The following TMEM132B variants were observed in gnomAD, a reference collection of about 807,000 sequenced individuals.
TMEM132B encodes the protein transmembrane protein 132B.
In TMEM132B, 18 loss-of-function variants were observed where a neutral mutation model predicts 90.8. That is an observed-to-expected ratio of 0.20 (90% CI 0.14 to 0.29). The LOEUF is 0.29. Among genes scored for constraint, TMEM132B ranks in the 10% least tolerant of loss-of-function variants. The probability of loss-of-function intolerance (pLI) is 1.00; values close to 1 mark genes in which losing one functional copy is unlikely to be tolerated. For synonymous variants in TMEM132B, 504 were observed against 523.3 expected (o/e 0.96, Z 0.50); for missense variants, 1,096 against 1,326.8 (o/e 0.83, Z 2.70).
chr12:125,343,653 G>A (rs1318264071), intron 1 of TMEM132B, among the ~76,000 whole-genome samples: 1 of 152,148 alleles, frequency 6.6e-6, no homozygotes, highest in African/African-American at 2.4e-5. Context: ...TTTTGAAAAC[G>A]GTCTAACAGA....
At chr12:125,580,751 A>G (rs1427233351) in intron 4 of TMEM132B, among the ~76,000 whole-genome samples, 2 of 152,198 alleles carry the variant, frequency 1.3e-5, no homozygotes, top group African/African-American at 4.8e-5. Flanking sequence ...TGATGTTTTG[A>G]CTGCCATTTT....
At chr12:125,385,106 A>G (rs902053834) in intron 2 of TMEM132B, among the ~76,000 whole-genome samples, 1 of 152,232 alleles carries the variant, frequency 6.6e-6, no homozygotes, top group Non-Finnish European at 1.5e-5. Context: ...CATGTGCCTG[A>G]CTTATTTTAC....
At chr12:125,504,244 A>G (rs1049564879) in intron 3 of TMEM132B, among the ~76,000 whole-genome samples, 5 of 149,210 alleles carry the variant, frequency 3.4e-5, no homozygotes, top group African/African-American at 9.7e-5. Context: ...GTTGACCCAG[A>G]TGGCCTTCAG....
chr12:125,554,547 A>G (rs561478634), intron 4 of TMEM132B, among the ~76,000 whole-genome samples: 3 of 150,050 alleles, frequency 2.0e-5, no homozygotes, highest in South Asian at 4.2e-4. Flanking sequence ...GTGGATCGTC[A>G]TGCTCTTTTA....
rs1157480306 is a variant in TMEM132B, at chr12:125,490,185, G to A, written c.1107-29254G>A. On this transcript the variant is annotated intron_variant, in intron 3 of 8. Transcript: ENST00000682704. The surrounding 1 kb of genome is among the most constrained non-coding windows in gnomAD (Gnocchi z 4.2). ...TAAGTTGAATTCTTACTGTGTGCCA[G>A]GTACTGTGTTGAATACTTTACATAT... 6.6e-6 allele frequency among the ~76,000 whole-genome samples: 1 copy of A among 152,128 alleles called. No individual in the cohort carries two copies. Among genetic ancestry groups the A allele is most frequent in the African/African-American group, 2.4e-5 (1 of 41,418 alleles).
chr12:125,334,949 C>T (rs115404455), intron 1 of TMEM132B, among the ~76,000 whole-genome samples: 2,752 of 152,310 alleles, frequency 0.018, 89 homozygotes, highest in African/African-American at 0.063. Context: ...GCACAGTTTG[C>T]GTGACATAAA....
At chr12:125,557,099 C>T (rs1308994965) in intron 4 of TMEM132B, among the ~76,000 whole-genome samples, 1 of 152,194 alleles carries the variant, frequency 6.6e-6, no homozygotes, top group Non-Finnish European at 1.5e-5. Flanking sequence ...TTATCATATA[C>T]ACACTTACTC....
chr12:125,389,013 T>TACACACACACACACAC (rs71447042), intron 2 of TMEM132B, among the ~76,000 whole-genome samples: 1 of 140,096 alleles, frequency 7.1e-6, no homozygotes. Flanking sequence ...ATATTTTCTG[T>TACACACACACACACAC]ACACACACAC....
chr12:125,593,171 TC>T (rs1885359820), intron 5 of TMEM132B, among the ~76,000 whole-genome samples: 1 of 152,236 alleles, frequency 6.6e-6, no homozygotes, highest in South Asian at 2.1e-4. Context: ...CCTAATTTTG[TC>T]CTTCTTTATG....
At position 125,454,542 on chromosome 12, in the gene TMEM132B, A is replaced by G. The variant is rs191787511; in HGVS notation, c.1106+38865A>G. ...CTCTTCAGTAATTTAAGGTCTTCAT[A>G]TAGGCATTTGCAAAGACAGAGCTGT... On this transcript the variant is annotated intron_variant, in intron 3 of 8. Transcript: ENST00000682704. Among the ~76,000 whole-genome samples the G allele has an allele frequency of 2.6e-5, 4 of 152,350 alleles. No individual in the cohort carries two copies. The East Asian group carries it at 5.8e-4, about 22-fold the overall frequency.
intron 3 of TMEM132B, among the ~76,000 whole-genome samples, chr12:125,435,471 C>G (rs1880673160): frequency 6.6e-6 from 1 of 152,108 alleles, no homozygotes; most frequent in African/African-American, 2.4e-5. Flanking sequence ...CCCTGGTCGC[C>G]AAGCAAGGAC....
At chr12:125,371,529 C>T (rs1224043909) in intron 2 of TMEM132B, among the ~76,000 whole-genome samples, 1 of 152,176 alleles carries the variant, frequency 6.6e-6, no homozygotes. Flanking sequence ...GAAAACTCTC[C>T]TCTGTGTACC....
chr12:125,412,679 T>C (rs964263499), intron 2 of TMEM132B, among the ~76,000 whole-genome samples: 2 of 152,146 alleles, frequency 1.3e-5, no homozygotes, highest in African/African-American at 2.4e-5. Flanking sequence ...AAAGCTATTA[T>C]GGTAGCAAGT....
intron 1 of TMEM132B, among the ~76,000 whole-genome samples, chr12:125,271,589 C>T (rs1294705060): frequency 2.6e-5 from 4 of 152,264 alleles, no homozygotes; most frequent in Non-Finnish European, 4.4e-5. Flanking sequence ...GAGCTATGCT[C>T]ACCTCTGGTG....
intron 4 of TMEM132B, among the ~76,000 whole-genome samples, chr12:125,527,467 T>TCCATCCAC (rs1309870226): frequency 7.4e-6 from 1 of 135,870 alleles, no homozygotes; most frequent in African/African-American, 2.8e-5. Context: ...CATCCACCCT[T>TCCATCCAC]CCATCCACCC....
At chr12:125,588,135 G>A (rs867639016) in intron 5 of TMEM132B, 10 of 152,134 alleles carry the variant, frequency 6.6e-5, no homozygotes, top group African/African-American at 1.9e-4. Flanking sequence ...CTTTGGTTGA[G>A]CTTCCAGACA....
chr12:125,654,769 G>C lies in TMEM132B; in HGVS notation c.*59G>C. 6.4e-7 allele frequency: 1 copy of C among 1,552,230 alleles called. No homozygotes were observed. Among genetic ancestry groups the C allele is most frequent in the Non-Finnish European group, 8.7e-7 (1 of 1,145,730 alleles). Reference sequence around the variant, plus strand: ...CTTCTGTTTTTTGAATGCTGGAGCAGTGAGTTTGATCAGCAATAGGGGATG... The same window carrying C: ...CTTCTGTTTTTTGAATGCTGGAGCACTGAGTTTGATCAGCAATAGGGGATG... On this transcript the variant is annotated 3_prime_UTR_variant, in exon 9 of 9. Coordinates refer to ENST00000682704, the MANE Select transcript of TMEM132B (RefSeq NM_001366854.1). This position sits in a 1 kb window ranked among gnomAD's most constrained non-coding sequence, Gnocchi z 5.8.
intron 1 of TMEM132B, among the ~76,000 whole-genome samples, chr12:125,193,803 ACT>A (rs1322692110): frequency 1.3e-5 from 2 of 152,346 alleles, no homozygotes; most frequent in African/African-American, 2.4e-5. Context: ...CAAATCCCAC[ACT>A]CTGTCATTCT....
At chr12:125,521,605 C>T (rs1290009447) in intron 4 of TMEM132B, among the ~76,000 whole-genome samples, 1 of 152,166 alleles carries the variant, frequency 6.6e-6, no homozygotes, top group African/African-American at 2.4e-5. Context: ...TCTGCTACTA[C>T]CCCCAGGCCA....
Sources: allele counts gnomAD v4.1 joint callset (sites outside exome capture counted in the v4.1 genomes callset), GRCh38; gene constraint gnomAD v4.1.1; non-coding constraint Gnocchi (gnomAD v3.1); transcripts MANE v1.5; gene names NCBI Gene and HGNC (gene_info 2026-07-23, HGNC 2026-07-21).